The following ZNF76 variants were observed in gnomAD, a reference collection of about 807,000 sequenced individuals.
ZNF76 encodes the protein zinc finger protein 523.
A neutral mutation model predicts 66.9 loss-of-function variants in ZNF76; 66 were observed. That is an observed-to-expected ratio of 0.99 (90% CI 0.81 to 1.21). ZNF76 has a LOEUF of 1.21. Ranked by LOEUF, ZNF76 falls within the 50% of genes most tolerant of loss-of-function variation. The pLI, the probability that ZNF76 is intolerant of heterozygous loss-of-function variation, is 0.00. For missense variants in ZNF76, 729 were observed against 760.3 expected, an observed-to-expected ratio of 0.96 and a Z score of 0.48; for synonymous variants, 275 against 296.1, an observed-to-expected ratio of 0.93 and a Z score of 0.73.
chr6:35,288,313 C>A, intron 5 of ZNF76: 1 of 366,896 alleles, frequency 2.7e-6, no homozygotes, highest in Non-Finnish European at 5.4e-6. Context: ...TGGGCTATGA[C>A]AAGGGCATGT....
intron 1 of ZNF76, among the ~76,000 whole-genome samples, chr6:35,272,297 A>G (rs1309182001): frequency 2.0e-5 from 3 of 152,296 alleles, no homozygotes; most frequent in African/African-American, 7.2e-5. Context: ...GTAAATAGAG[A>G]TAGATGTAAG....
At chr6:35,260,579 A>T (rs1039621947) in intron 1 of ZNF76, among the ~76,000 whole-genome samples, 2 of 152,166 alleles carry the variant, frequency 1.3e-5, no homozygotes, top group Non-Finnish European at 2.9e-5. Context: ...GGATATAGAG[A>T]TTAATATGAA....
chr6:35,288,112 G>C, intron 5 of ZNF76: 1 of 647,026 alleles, frequency 1.5e-6, no homozygotes, highest in East Asian at 3.1e-5. Flanking sequence ...CTTTGCAGAG[G>C]GAAAGCTGCC....
At chr6:35,268,312 T>C (rs1333935215) in intron 1 of ZNF76, among the ~76,000 whole-genome samples, 1 of 152,228 alleles carries the variant, frequency 6.6e-6, no homozygotes, top group Non-Finnish European at 1.5e-5. Flanking sequence ...TTTATTCTTG[T>C]GTCATTTAGA....
Position 35,292,712 on chromosome 6 carries a change from A to G in ZNF76, c.1090A>G (p.Lys364Glu). Residue 364 changes from lysine (K) to glutamate (E), a missense_variant, in exon 10 of 14, where the codon AAG becomes GAG. Transcript: ENST00000373953. The surrounding 1 kb of genome is among the most constrained non-coding windows in gnomAD (Gnocchi z 4.7). ...YRQTSTLAMH[K>E]RSAHGELEAT... ...GCAGACCTCCACCTTGGCCATGCAC[A>G]AGCGCAGTGCCCACGGCGAGCTGGA... 1.2e-6 allele frequency: 2 copies of G among 1,614,186 alleles called. No homozygotes were observed. Among genetic ancestry groups the G allele is most frequent in the Non-Finnish European group, 1.7e-6 (2 of 1,180,034 alleles).
In ZNF76 at chr6:35,292,872, C is replaced by T; in HGVS notation, c.1166-9C>T. ...GTAGCAGATGTCAGCCTTGGCTCTC[C>T]TCTCCCAGCCGCCTCTGCAGCCGAG... On this transcript the variant is annotated splice_polypyrimidine_tract_variant and intron_variant, in intron 10 of 13. Coordinates refer to ENST00000373953, the MANE Select transcript of ZNF76 (RefSeq NM_003427.5). The surrounding 1 kb of genome is among the most constrained non-coding windows in gnomAD (Gnocchi z 4.7). 1.2e-6 allele frequency: 2 copies of T among 1,614,042 alleles called. No individual in the cohort carries two copies. Among genetic ancestry groups the T allele is most frequent in the Non-Finnish European group, 1.7e-6 (2 of 1,179,988 alleles).
At chr6:35,266,239 G>A (rs1001859079) in intron 1 of ZNF76, among the ~76,000 whole-genome samples, 26 of 151,308 alleles carry the variant, frequency 1.7e-4, no homozygotes, top group African/African-American at 3.6e-4. Flanking sequence ...TGCAACCTCC[G>A]CCTCCTGGGT....
chr6:35,292,184 G>C lies in ZNF76; in HGVS notation c.932-370G>C. Reference sequence around the variant, plus strand: ...TTCTGTGTTGTGTCTCAGCATGTGTGTCCCCTCTTTCCCATCACAACTGAT... The same window carrying C: ...TTCTGTGTTGTGTCTCAGCATGTGTCTCCCCTCTTTCCCATCACAACTGAT... On this transcript the variant is annotated intron_variant, in intron 9 of 13. Transcript: ENST00000373953. The surrounding 1 kb of genome is among the most constrained non-coding windows in gnomAD (Gnocchi z 4.7). 2.4e-6 allele frequency: 1 copy of C among 411,582 alleles called. No homozygotes were observed. The highest frequency in any genetic ancestry group is 4.6e-6 in the Non-Finnish European group (1 of 218,626). The allele number at this position is 411,582 out of a possible 1,614,324, so 25.5% of individuals were successfully genotyped here.
Position 35,292,035 on chromosome 6 carries a change from G to C in ZNF76, c.931+298G>C. ...AACTCTGACTGAACTCTTGAAAAGA[G>C]GCCAGGGTCAGGAATGATGGGGAAG... is the stretch of plus-strand genomic sequence containing the variant. On this transcript the variant is annotated intron_variant, in intron 9 of 13. Transcript: ENST00000373953. This position sits in a 1 kb window ranked among gnomAD's most constrained non-coding sequence, Gnocchi z 4.7. 1 of 506,562 alleles carries C rather than the reference G, an allele frequency of 2.0e-6. No individual in the cohort carries two copies. Among genetic ancestry groups the C allele is most frequent in the African/African-American group, 1.9e-5 (1 of 52,118 alleles). 31.4% of individuals were successfully genotyped at this position (506,562 alleles called of 1,614,324 possible).
intron 1 of ZNF76, among the ~76,000 whole-genome samples, chr6:35,273,881 A>G (rs1787511770): frequency 6.6e-6 from 1 of 152,176 alleles, no homozygotes; most frequent in South Asian, 2.1e-4. Flanking sequence ...AAATTGAAGA[A>G]AAAAAGCAAT....
intron 1 of ZNF76, among the ~76,000 whole-genome samples, chr6:35,265,806 G>A (rs1174127280): frequency 1.3e-5 from 2 of 151,980 alleles, no homozygotes; most frequent in Non-Finnish European, 1.5e-5. Flanking sequence ...TTGCGGTGGG[G>A]GTGAATTGGG....
Position 35,294,477 on chromosome 6 carries a change from G to A in ZNF76, c.1516G>A (p.Ala506Thr). ...TQPVTIITSG[A>T]VVAEDSSVAS... ...TCAGGTCACAATCATTACCTCTGGGGCTGTGGTGGCTGAGGACTCAAGTGT... is the reference window on the plus strand; with the variant it reads ...TCAGGTCACAATCATTACCTCTGGGACTGTGGTGGCTGAGGACTCAAGTGT... The change falls in exon 13 of 14, where the codon GCT becomes ACT. Residue 506 changes from alanine to threonine, a missense_variant. Coordinates refer to ENST00000373953, the MANE Select transcript of ZNF76 (RefSeq NM_003427.5). 1 of 1,613,870 alleles carries A rather than the reference G, an allele frequency of 6.2e-7. No homozygotes were observed.
At chr6:35,289,283 T>A (rs1293746306) in intron 5 of ZNF76, among the ~76,000 whole-genome samples, 1 of 152,188 alleles carries the variant, frequency 6.6e-6, no homozygotes, top group Non-Finnish European at 1.5e-5. Context: ...GAAATCCAAG[T>A]GCCTGTGTGG....
At position 35,268,522 on chromosome 6, in the gene ZNF76, G is replaced by C. The variant is rs1393177653; in HGVS notation, c.-97+8681G>C. Among the ~76,000 whole-genome samples, 6 of 152,198 alleles carry C rather than the reference G, an allele frequency of 3.9e-5. No individual in the cohort carries two copies. The East Asian group carries it at 1.2e-3, about 29-fold the overall frequency. ...CAAACAAACAAAAAAAACGAAACCTGGCCGGGTGTAGTGGCTCACACCTGT... is the reference window on the plus strand; with the variant it reads ...CAAACAAACAAAAAAAACGAAACCTCGCCGGGTGTAGTGGCTCACACCTGT... On this transcript the variant is annotated intron_variant, in intron 1 of 13. Coordinates refer to ENST00000373953, the MANE Select transcript of ZNF76 (RefSeq NM_003427.5).
intron 1 of ZNF76, among the ~76,000 whole-genome samples, chr6:35,267,482 A>G (rs1454891086): frequency 1.3e-5 from 2 of 152,230 alleles, no homozygotes; most frequent in East Asian, 1.9e-4. Flanking sequence ...TAGAATAAAC[A>G]TGATAATATA....
At chr6:35,278,299 G>A (rs1401438861) in intron 1 of ZNF76, among the ~76,000 whole-genome samples, 1 of 152,162 alleles carries the variant, frequency 6.6e-6, no homozygotes, top group Admixed American at 6.6e-5. Context: ...CTCCCAAGTA[G>A]CTGGGATTAC....
chr6:35,289,731 C>T (rs1562124984), intron 5 of ZNF76, among the ~76,000 whole-genome samples: 2 of 152,164 alleles, frequency 1.3e-5, no homozygotes, highest in Admixed American at 1.3e-4. Context: ...TGCTTCTGGT[C>T]GTGGCCACCT....
Position 35,266,197 on chromosome 6 carries a change from C to T in ZNF76, c.-97+6356C>T, listed in dbSNP as rs141436505. On this transcript the variant is annotated intron_variant, in intron 1 of 13. Transcript: ENST00000373953. Reference sequence around the variant, plus strand: ...TCAAGACATCTCGCTCTGTCGCCCACGGTGGAGTGCAGTGGCGTGATCTCA... The same window carrying T: ...TCAAGACATCTCGCTCTGTCGCCCATGGTGGAGTGCAGTGGCGTGATCTCA... 6.6e-3 allele frequency among the ~76,000 whole-genome samples: 1,001 copies of T among 151,460 alleles called. 7 individuals carry two copies. Among genetic ancestry groups the T allele is most frequent in the South Asian group, 0.015 (74 of 4,794 alleles).
chr6:35,294,921 T>C (rs1401903139), intron 13 of ZNF76: 6 of 584,564 alleles, frequency 1.0e-5, no homozygotes, highest in Non-Finnish European at 1.2e-5. Context: ...AGCAAGTGGG[T>C]CTCTCTGACC....
Sources: allele counts gnomAD v4.1 joint callset (sites outside exome capture counted in the v4.1 genomes callset), GRCh38; gene constraint gnomAD v4.1.1; non-coding constraint Gnocchi (gnomAD v3.1); transcripts MANE v1.5; gene names NCBI Gene and HGNC (gene_info 2026-07-23, HGNC 2026-07-21).